Variants in MYRIP observed in about 807,000 individuals in gnomAD.
The protein encoded by MYRIP is rab effector MyRIP.
MYRIP carries 49 observed loss-of-function variants against 98.0 expected under a neutral mutation model. The ratio of observed to expected loss-of-function variants is 0.50; its 90% CI spans 0.40 to 0.63. The LOEUF (loss-of-function observed/expected upper bound fraction) is 0.63, where lower values mean the gene tolerates loss of function less well. Ranked by LOEUF, MYRIP falls within the 30% of genes least tolerant of loss-of-function variation. MYRIP has a pLI of 0.00. For missense variants in MYRIP, 1,004 were observed against 1,058.2 expected, an observed-to-expected ratio of 0.95 and a Z score of 0.71; for synonymous variants, 404 against 409.5, an observed-to-expected ratio of 0.99 and a Z score of 0.16.
At chr3:39,930,269 T>C (rs1462302622) in intron 2 of MYRIP, among the ~76,000 whole-genome samples, 2 of 152,062 alleles carry the variant, frequency 1.3e-5, no homozygotes, top group African/African-American at 4.8e-5. Context: ...TCATTGTGGT[T>C]TTGATTTATA....
intron 2 of MYRIP, among the ~76,000 whole-genome samples, chr3:39,987,381 C>T (rs748984950): frequency 1.3e-5 from 2 of 152,144 alleles, no homozygotes; most frequent in Non-Finnish European, 2.9e-5. Flanking sequence ...TGTATATGTA[C>T]CACACTTTCT....
chr3:40,246,913 G>T (rs578223749), intron 13 of MYRIP, among the ~76,000 whole-genome samples: 1 of 152,242 alleles, frequency 6.6e-6, no homozygotes, highest in South Asian at 2.1e-4. Context: ...GAGCTTATCA[G>T]ATAGATGGCC....
At chr3:39,863,485 A>C (rs1942530053) in intron 1 of MYRIP, among the ~76,000 whole-genome samples, 1 of 152,114 alleles carries the variant, frequency 6.6e-6, no homozygotes, top group Admixed American at 6.5e-5. Context: ...AACACCACAG[A>C]AATACAAAAA....
chr3:39,820,508 C>G (rs1447724848), intron 1 of MYRIP, among the ~76,000 whole-genome samples: 3 of 152,100 alleles, frequency 2.0e-5, no homozygotes, highest in Non-Finnish European at 4.4e-5. Flanking sequence ...TATGTAGCTC[C>G]AGCCTCAGAA....
At chr3:39,941,668 T>C (rs1165607571) in intron 2 of MYRIP, among the ~76,000 whole-genome samples, 1 of 152,098 alleles carries the variant, frequency 6.6e-6, no homozygotes, top group East Asian at 1.9e-4. Flanking sequence ...TATAAAGTCA[T>C]GTCATAGCAT....
chr3:40,157,880 C>T (rs1283688040), intron 4 of MYRIP, among the ~76,000 whole-genome samples: 1 of 151,762 alleles, frequency 6.6e-6, no homozygotes, highest in Non-Finnish European at 1.5e-5. Context: ...TTTGATTCTT[C>T]TCTCTCTTTT....
intron 1 of MYRIP, among the ~76,000 whole-genome samples, chr3:39,825,625 A>G (rs776260829): frequency 2.5e-4 from 38 of 151,946 alleles, no homozygotes; most frequent in Admixed American, 2.0e-3. Context: ...TTTATTAGGG[A>G]TATTGGCTTG....
Position 39,870,741 on chromosome 3 carries a change from A to G in MYRIP, c.-30-30046A>G, listed in dbSNP as rs78900007. ...TCTGTAGTTAACTTGTGTTTTTCCA[A>G]TGAAAACATTAAATACAACCAGGCA... On this transcript the variant is annotated intron_variant, in intron 1 of 16. Transcript: ENST00000302541. Among the ~76,000 whole-genome samples the G allele has an allele frequency of 6.4e-3, 975 of 152,298 alleles. 14 individuals carry two copies. Among genetic ancestry groups the G allele is most frequent in the African/African-American group, 0.022 (908 of 41,566 alleles).
chr3:39,864,295 A>G (rs1298128099), intron 1 of MYRIP, among the ~76,000 whole-genome samples: 2 of 152,030 alleles, frequency 1.3e-5, no homozygotes, highest in Non-Finnish European at 2.9e-5. Flanking sequence ...TGGAAGTCCT[A>G]GTCAGAGAAA....
chr3:39,931,102 C>T (rs1166795956), intron 2 of MYRIP, among the ~76,000 whole-genome samples: 1 of 151,884 alleles, frequency 6.6e-6, no homozygotes, highest in African/African-American at 2.4e-5. Flanking sequence ...GGGATTGTAT[C>T]GAATCTGTAG....
intron 4 of MYRIP, among the ~76,000 whole-genome samples, chr3:40,156,876 A>G (rs1950254836): frequency 6.6e-6 from 1 of 151,578 alleles, no homozygotes; most frequent in South Asian, 2.1e-4. Context: ...GTTGCTTATC[A>G]GCTTAAGGAG....
chr3:39,826,669 G>C (rs1451602316), intron 1 of MYRIP, among the ~76,000 whole-genome samples: 1 of 152,150 alleles, frequency 6.6e-6, no homozygotes, highest in Non-Finnish European at 1.5e-5. Context: ...CTGGGGTGCA[G>C]TTTAAATCCA....
intron 2 of MYRIP, among the ~76,000 whole-genome samples, chr3:40,016,428 A>C (rs920921987): frequency 2.6e-5 from 4 of 152,054 alleles, no homozygotes; most frequent in Admixed American, 2.6e-4. Flanking sequence ...CCTTTTCCCA[A>C]TTTGGAGGCA....
rs566989957 is a variant in MYRIP, at chr3:39,972,773, T to TTCTAAAATGAGAGAATGGG, written c.111-71274_111-71256dup. Among the ~76,000 whole-genome samples, 1,390 of 152,056 alleles carry TTCTAAAATGAGAGAATGGG rather than the reference T, an allele frequency of 9.1e-3. 23 individuals carry two copies. The highest frequency in any genetic ancestry group is 0.031 in the African/African-American group (1,279 of 41,482). ...TTTTTTCCCCCTTTCAATTTTTTTC[T>TTCTAAAATGAGAGAATGGG]TCTAAAATGAGAGAATGGGTCCTTC... is the stretch of plus-strand genomic sequence containing the variant. On this transcript the variant is annotated intron_variant, in intron 2 of 16. Coordinates refer to ENST00000302541, the MANE Select transcript of MYRIP (RefSeq NM_015460.4).
At chr3:40,177,335 A>C (rs1318474629) in intron 8 of MYRIP, among the ~76,000 whole-genome samples, 1 of 152,202 alleles carries the variant, frequency 6.6e-6, no homozygotes, top group Non-Finnish European at 1.5e-5. Context: ...GCCAGGCTTA[A>C]GGATGGTATC....
At chr3:40,012,027 TTAAC>T (rs1946771031) in intron 2 of MYRIP, among the ~76,000 whole-genome samples, 1 of 152,230 alleles carries the variant, frequency 6.6e-6, no homozygotes, top group Non-Finnish European at 1.5e-5. Context: ...ATTAATAAGT[TTAAC>T]TATTTGAAAC....
At chr3:39,996,840 A>T (rs1286213750) in intron 2 of MYRIP, among the ~76,000 whole-genome samples, 1 of 152,194 alleles carries the variant, frequency 6.6e-6, no homozygotes, top group Admixed American at 6.5e-5. Context: ...TATCTCTCAG[A>T]CCACAGTGCA....
At chr3:40,169,617 A>G (rs910670591) in intron 7 of MYRIP, among the ~76,000 whole-genome samples, 3 of 152,202 alleles carry the variant, frequency 2.0e-5, no homozygotes, top group African/African-American at 7.2e-5. Flanking sequence ...CCTCATCTAT[A>G]AAATGGAAAG....
intron 2 of MYRIP, among the ~76,000 whole-genome samples, chr3:39,981,710 G>C (rs1945900943): frequency 1.3e-5 from 2 of 152,180 alleles, no homozygotes; most frequent in South Asian, 4.1e-4. Flanking sequence ...AGTTCCTGAA[G>C]AGACAATTTT....
Sources: allele counts gnomAD v4.1 joint callset (sites outside exome capture counted in the v4.1 genomes callset), GRCh38; gene constraint gnomAD v4.1.1; transcripts MANE v1.5; gene names NCBI Gene and HGNC (gene_info 2026-07-23, HGNC 2026-07-21).